Variants in TSPAN12 observed in about 807,000 individuals in gnomAD.
TSPAN12 encodes the protein tetraspanin 12.
Under a neutral mutation model 39.2 loss-of-function variants are expected in TSPAN12, and 19 were observed. The observed-to-expected ratio is 0.49, with a 90% confidence interval of 0.34 to 0.71. TSPAN12 has a LOEUF of 0.71. TSPAN12 is among the 30% of genes least tolerant of loss of function. TSPAN12 has a pLI of 0.01. For synonymous variants in TSPAN12, 119 were observed against 124.8 expected, an observed-to-expected ratio of 0.95 and a Z score of 0.31; for missense variants, 314 against 359.9, an observed-to-expected ratio of 0.87 and a Z score of 1.03.
intron 4 of TSPAN12, among the ~76,000 whole-genome samples, chr7:120,827,279 T>C (rs1224273488): frequency 1.3e-5 from 2 of 152,206 alleles, no homozygotes; most frequent in African/African-American, 4.8e-5. Flanking sequence ...AAAAAGGGTA[T>C]TAAAGGAAAT....
At chr7:120,805,214 G>A (rs1793848269) in intron 7 of TSPAN12, among the ~76,000 whole-genome samples, 1 of 152,016 alleles carries the variant, frequency 6.6e-6, no homozygotes, top group South Asian at 2.1e-4. Context: ...TCTGAGATAT[G>A]AGTAACAGCC....
At chr7:120,831,269 T>C (rs901347238) in intron 4 of TSPAN12, among the ~76,000 whole-genome samples, 2 of 152,096 alleles carry the variant, frequency 1.3e-5, no homozygotes, top group African/African-American at 4.8e-5. Flanking sequence ...TGAATTACCA[T>C]ATGATCCAGC....
At chr7:120,823,439 A>G (rs558310476) in intron 4 of TSPAN12, among the ~76,000 whole-genome samples, 8 of 152,304 alleles carry the variant, frequency 5.3e-5, no homozygotes, top group African/African-American at 1.9e-4. Flanking sequence ...GAATTTCAAG[A>G]AAAACAACAG....
intron 4 of TSPAN12, among the ~76,000 whole-genome samples, chr7:120,827,412 A>T (rs1483548312): frequency 6.6e-6 from 1 of 152,194 alleles, no homozygotes; most frequent in Non-Finnish European, 1.5e-5. Context: ...AAATATTTTT[A>T]TTCCCACAGA....
intron 2 of TSPAN12, among the ~76,000 whole-genome samples, chr7:120,844,628 C>A (rs147509162): frequency 1.3e-5 from 2 of 152,230 alleles, no homozygotes; most frequent in Non-Finnish European, 2.9e-5. Context: ...TCTCCTTTAA[C>A]GCCATGTCTC....
At chr7:120,819,185 T>C (rs1794140656) in intron 4 of TSPAN12, among the ~76,000 whole-genome samples, 1 of 152,156 alleles carries the variant, frequency 6.6e-6, no homozygotes, top group Non-Finnish European at 1.5e-5. Context: ...AGGCAAGATA[T>C]GTTTATCAAT....
rs573851768 is a variant in TSPAN12, at chr7:120,792,760, C to CA, written c.613-3864dup. Among the ~76,000 whole-genome samples the CA allele has an allele frequency of 3.5e-4, 53 of 152,294 alleles. 1 individual carries two copies. In the East Asian group the frequency reaches 0.01, roughly 29 times the overall value. Reference sequence around the variant, plus strand: ...AAATGCCATCGAACCGACAAATAAACACAGCAAACGCTGGAGAGGTGGAAA... The same window carrying CA: ...AAATGCCATCGAACCGACAAATAAACAACAGCAAACGCTGGAGAGGTGGAAA... On this transcript the variant is annotated intron_variant, in intron 7 of 7. Transcript: ENST00000222747.
intron 7 of TSPAN12, 71 bp downstream of exon 7, chr7:120,806,478 T>C: frequency 6.4e-7 from 1 of 1,559,956 alleles, no homozygotes; most frequent in African/African-American, 1.4e-5. Context: ...TTCATTGGCA[T>C]ATTGTTGATT....
At chr7:120,849,407 A>G (rs1302770327) in intron 2 of TSPAN12, among the ~76,000 whole-genome samples, 2 of 152,196 alleles carry the variant, frequency 1.3e-5, no homozygotes, top group African/African-American at 4.8e-5. Flanking sequence ...TGTATTATGA[A>G]ATGTGTACCT....
intron 7 of TSPAN12, 135 bp downstream of exon 7, chr7:120,806,414 C>T: frequency 1.2e-6 from 1 of 837,712 alleles, no homozygotes; most frequent in Non-Finnish European, 1.9e-6. Context: ...TCTGCTTCTC[C>T]CCATATTAGA....
In TSPAN12 at chr7:120,857,806, G is replaced by A. The variant is rs1255622156; in HGVS notation, c.-71+14C>T. The A allele has an allele frequency of 6.6e-6, 1 of 152,280 alleles. No homozygotes were observed. The highest frequency in any genetic ancestry group is 1.5e-5 in the Non-Finnish European group (1 of 68,214). 9.4% of individuals were successfully genotyped at this position (152,280 alleles called of 1,614,324 possible). A position where few individuals can be genotyped will look rare whatever the true frequency, so the allele number is the denominator to read the frequency against. On this transcript the variant is annotated intron_variant, in intron 1 of 7. Coordinates refer to ENST00000222747, the MANE Select transcript of TSPAN12 (RefSeq NM_012338.4). ...ACAGCGGGCAGGAAAGGCGACAGAC[G>A]CGTGGCCACTTACCGTCGGCGCTGG...
Position 120,810,447 on chromosome 7 carries a change from A to G in TSPAN12, c.468+16T>C, listed in dbSNP as rs1235548755. On this transcript the variant is annotated intron_variant, in intron 6 of 7. Coordinates refer to ENST00000222747, the MANE Select transcript of TSPAN12 (RefSeq NM_012338.4). ...ACTTACTTCACTCTCTCTACCTCAGAAATTGTAGCACTTACCTCTCTCTGA... is the reference window on the plus strand; with the variant it reads ...ACTTACTTCACTCTCTCTACCTCAGGAATTGTAGCACTTACCTCTCTCTGA... 2 of 1,507,866 alleles carry G rather than the reference A, an allele frequency of 1.3e-6. No individual in the cohort carries two copies. Among genetic ancestry groups the G allele is most frequent in the African/African-American group, 2.7e-5 (2 of 72,834 alleles). 93.4% of individuals were successfully genotyped at this position (1,507,866 alleles called of 1,614,324 possible).
chr7:120,857,287 G>C (rs1004519393), intron 1 of TSPAN12: 1 of 234,188 alleles, frequency 4.3e-6, no homozygotes, highest in Non-Finnish European at 8.5e-6. Flanking sequence ...CGCCCTTCTA[G>C]TTAGGACAGT....
At chr7:120,843,016 T>C (rs901704980) in intron 2 of TSPAN12, among the ~76,000 whole-genome samples, 2 of 152,110 alleles carry the variant, frequency 1.3e-5, no homozygotes, top group African/African-American at 2.4e-5. Context: ...TAATTAATAT[T>C]ACTATTAATC....
chr7:120,840,261 C>A, intron 2 of TSPAN12, 152 bp from the exon 3 acceptor site: 1 of 721,930 alleles, frequency 1.4e-6, no homozygotes, highest in Non-Finnish European at 2.5e-6. Flanking sequence ...TAAATAACTG[C>A]CATTCCATTT....
At chr7:120,804,872 A>C (rs765022349) in intron 7 of TSPAN12, among the ~76,000 whole-genome samples, 2 of 152,110 alleles carry the variant, frequency 1.3e-5, no homozygotes, top group Non-Finnish European at 2.9e-5. Flanking sequence ...GAAACAGATC[A>C]GGGTGATTTT....
At chr7:120,857,041 G>T in intron 1 of TSPAN12, 1 of 532,154 alleles carries the variant, frequency 1.9e-6, no homozygotes, top group Non-Finnish European at 3.4e-6. Context: ...GATAACACCT[G>T]CTGGGAAAAG....
intron 2 of TSPAN12, among the ~76,000 whole-genome samples, chr7:120,847,045 C>G (rs1044479021): frequency 6.6e-6 from 1 of 152,072 alleles, no homozygotes. Flanking sequence ...GTCTTGGAAG[C>G]CATTTCAAGG....
chr7:120,815,988 C>A (rs1004772725), intron 4 of TSPAN12, among the ~76,000 whole-genome samples, 185 bp from the exon 5 acceptor site: 6 of 152,128 alleles, frequency 3.9e-5, no homozygotes, highest in Admixed American at 2.6e-4. Flanking sequence ...ATTTAATATT[C>A]ATCTCAGTGA....
Sources: gnomAD v4.1 joint callset for allele counts (sites outside exome capture counted in the v4.1 genomes callset) on GRCh38, gnomAD v4.1.1 for gene constraint, MANE v1.5 for transcripts, NCBI Gene and HGNC (gene_info 2026-07-23, HGNC 2026-07-21) for gene names.